PLS1: variants seen among roughly 807,000 people sequenced by gnomAD.
The protein encoded by PLS1 is plastin 1.
Under a neutral mutation model 73.7 loss-of-function variants are expected in PLS1, and 32 were observed. The observed-to-expected ratio is 0.43, with a 90% confidence interval of 0.33 to 0.58. The LOEUF is 0.58. PLS1 is among the 20% of genes least tolerant of loss of function. The pLI is 0.04. For missense variants in PLS1, 633 were observed against 740.5 expected (o/e 0.85, Z 1.68); for synonymous variants, 217 against 261.3 (o/e 0.83, Z 1.63).
chr3:142,689,827 G>A lies in PLS1; in HGVS notation c.1177+14G>A, dbSNP rs372365049. 1.3e-6 allele frequency: 2 copies of A among 1,502,964 alleles called. No individual in the cohort carries two copies. The highest frequency in any genetic ancestry group is 2.8e-5 in the African/African-American group (2 of 70,978). 93.1% of individuals were successfully genotyped at this position (1,502,964 alleles called of 1,614,324 possible). A position where few individuals can be genotyped will look rare whatever the true frequency, so the allele number is the denominator to read the frequency against. On this transcript the variant is annotated intron_variant, in intron 10 of 15. Coordinates refer to ENST00000457734, the MANE Select transcript of PLS1 (RefSeq NM_001145319.2). ...ATTTACTGGAAGGTGCGTTCTTTCT[G>A]CCTTTAATTGACTTGCTATATTTAT...
chr3:142,660,430 T>G (rs748554088), intron 1 of PLS1, among the ~76,000 whole-genome samples: 3 of 152,226 alleles, frequency 2.0e-5, no homozygotes, highest in Non-Finnish European at 2.9e-5. Context: ...AGCTTAGCCT[T>G]GCATACCTTA....
chr3:142,627,538 T>C (rs1311423095), intron 1 of PLS1, among the ~76,000 whole-genome samples: 2 of 152,338 alleles, frequency 1.3e-5, no homozygotes. Flanking sequence ...ATCTGTTTTT[T>C]TTCTTCTATA....
At chr3:142,612,589 A>G (rs1470679957) in intron 1 of PLS1, among the ~76,000 whole-genome samples, 1 of 152,160 alleles carries the variant, frequency 6.6e-6, no homozygotes, top group East Asian at 1.9e-4. Context: ...TGGACTATTT[A>G]AAATTTCCCT....
chr3:142,602,783 C>T (rs369538907), intron 1 of PLS1, among the ~76,000 whole-genome samples: 4 of 151,606 alleles, frequency 2.6e-5, no homozygotes, highest in East Asian at 1.9e-4. Flanking sequence ...TCTGCTTTAC[C>T]TTCCCCTGAG....
At chr3:142,682,214 T>C (rs147677806) in intron 6 of PLS1, among the ~76,000 whole-genome samples, 1 of 152,270 alleles carries the variant, frequency 6.6e-6, no homozygotes, top group African/African-American at 2.4e-5. Context: ...GGGAGGATTT[T>C]AAGGTGAGGA....
At chr3:142,600,908 AT>A (rs2035909936) in intron 1 of PLS1, among the ~76,000 whole-genome samples, 1 of 27,536 alleles carries the variant, frequency 3.6e-5, no homozygotes, top group Non-Finnish European at 5.6e-5. Flanking sequence ...ATATATATAT[AT>A]ATATATATTT....
At chr3:142,599,430 C>T (rs566852697) in intron 1 of PLS1, among the ~76,000 whole-genome samples, 15 of 150,362 alleles carry the variant, frequency 1.0e-4, no homozygotes, top group Admixed American at 3.3e-4. Context: ...CCCAGGTTCA[C>T]GCCATTCTCC....
At chr3:142,630,141 G>T (rs1560038368) in intron 1 of PLS1, among the ~76,000 whole-genome samples, 1 of 152,200 alleles carries the variant, frequency 6.6e-6, no homozygotes, top group Non-Finnish European at 1.5e-5. Context: ...TAAAATTTTG[G>T]CCTGGCAAGG....
intron 1 of PLS1, among the ~76,000 whole-genome samples, chr3:142,639,393 C>T (rs1243234190): frequency 6.6e-6 from 1 of 152,134 alleles, no homozygotes; most frequent in African/African-American, 2.4e-5. Context: ...CCTTCAAATC[C>T]ACTTGGTTTT....
chr3:142,642,844 T>A (rs1432627788), intron 1 of PLS1, among the ~76,000 whole-genome samples: 2 of 152,088 alleles, frequency 1.3e-5, no homozygotes, highest in Non-Finnish European at 2.9e-5. Flanking sequence ...GGAAGCACCA[T>A]CACACTGGGC....
rs1171297517 is a variant in PLS1, at chr3:142,650,211, CT to C, written c.-36-13966del. 8.0e-3 allele frequency among the ~76,000 whole-genome samples: 568 copies of C among 70,882 alleles called. 1 individual carries two copies. Among genetic ancestry groups the C allele is most frequent in the African/African-American group, 0.025 (440 of 17,516 alleles). 46.5% of individuals were successfully genotyped at this position (70,882 alleles called of 152,430 possible). A position where few individuals can be genotyped will look rare whatever the true frequency, so the allele number is the denominator to read the frequency against. On this transcript the variant is annotated intron_variant, in intron 1 of 15. Coordinates refer to ENST00000457734, the MANE Select transcript of PLS1 (RefSeq NM_001145319.2). ...GCAGTGTTGGTTTTGGCTTCTTCTT[CT>C]TTTTTTTTTTTTTTTTTTTTTTTTG...
At chr3:142,691,180 G>A (rs982667909) in intron 10 of PLS1, among the ~76,000 whole-genome samples, 2 of 151,884 alleles carry the variant, frequency 1.3e-5, no homozygotes, top group African/African-American at 4.8e-5. Flanking sequence ...ATTAATGAAC[G>A]ACGTTTCAGA....
chr3:142,641,158 T>TTA (rs138316946), intron 1 of PLS1, among the ~76,000 whole-genome samples: 21,281 of 136,452 alleles, frequency 0.16, 1,655 homozygotes, highest in African/African-American at 0.19. Flanking sequence ...CCCAGAGTGA[T>TTA]TATATATATA....
chr3:142,606,419 T>G (rs994658383), intron 1 of PLS1, among the ~76,000 whole-genome samples: 2 of 152,228 alleles, frequency 1.3e-5, no homozygotes, highest in African/African-American at 2.4e-5. Context: ...TAAATGATGT[T>G]TCATCAGTAT....
chr3:142,678,064 T>G lies in PLS1; in HGVS notation c.530T>G (p.Ile177Ser). The G allele has an allele frequency of 6.4e-7, 1 of 1,553,270 alleles. No individual in the cohort carries two copies. Among genetic ancestry groups the G allele is most frequent in the Non-Finnish European group, 8.7e-7 (1 of 1,145,214 alleles). The change falls in exon 6 of 16, where the codon ATT becomes AGT. Residue 177 changes from isoleucine to serine, a missense_variant. Ile to Ser is a moderately radical substitution (Grantham distance 142, BLOSUM62 -2). Coordinates refer to ENST00000457734, the MANE Select transcript of PLS1 (RefSeq NM_001145319.2). ...ATCAACTTATCTGAACCAGATACAA[T>G]TGATGAAAGAGCCATCAATAAGAAA... ...KMINLSEPDT[I>S]DERAINKKKL...
chr3:142,681,449 A>C (rs1247047265), intron 6 of PLS1, among the ~76,000 whole-genome samples: 1 of 152,122 alleles, frequency 6.6e-6, no homozygotes, highest in Non-Finnish European at 1.5e-5. Flanking sequence ...AACATTATTG[A>C]CCTATTAGCA....
At chr3:142,687,582 A>G (rs1191251526) in intron 9 of PLS1, among the ~76,000 whole-genome samples, 1 of 152,184 alleles carries the variant, frequency 6.6e-6, no homozygotes, top group South Asian at 2.1e-4. Context: ...AATTTTGAAT[A>G]TATTCAAGAG....
chr3:142,625,780 C>G (rs1367185561), intron 1 of PLS1, among the ~76,000 whole-genome samples: 26 of 151,860 alleles, frequency 1.7e-4, no homozygotes, highest in Admixed American at 1.7e-3. Flanking sequence ...TCAAAACCAT[C>G]CTGGGCAACA....
chr3:142,658,337 G>C (rs1287546017), intron 1 of PLS1, among the ~76,000 whole-genome samples: 1 of 152,054 alleles, frequency 6.6e-6, no homozygotes, highest in African/African-American at 2.4e-5. Context: ...TTAGCCAGAT[G>C]TGGTGATGGG....
Sources: allele counts gnomAD v4.1 joint callset (sites outside exome capture counted in the v4.1 genomes callset), GRCh38; gene constraint gnomAD v4.1.1; transcripts MANE v1.5; gene names NCBI Gene and HGNC (gene_info 2026-07-23, HGNC 2026-07-21).